Variants in RGS19 observed in about 807,000 individuals in gnomAD.
RGS19 encodes G alpha interacting protein.
In RGS19, 9 loss-of-function variants were observed where a neutral mutation model predicts 22.0. The observed-to-expected ratio is 0.41, with a 90% confidence interval of 0.25 to 0.71. The LOEUF is 0.71. Ranked by LOEUF, RGS19 falls within the 30% of genes least tolerant of loss-of-function variation. The pLI is 0.32. For synonymous variants in RGS19, 130 were observed against 127.3 expected, an observed-to-expected ratio of 1.02 and a Z score of -0.14; for missense variants, 256 against 307.1, an observed-to-expected ratio of 0.83 and a Z score of 1.24.
rs976958248 is a variant in RGS19, at chr20:64,073,418, G to A, written c.*435C>T. On this transcript the variant is annotated 3_prime_UTR_variant, in exon 6 of 6. Coordinates refer to ENST00000395042, the MANE Select transcript of RGS19 (RefSeq NM_005873.3). ...TCTGGGGTACAGACAGCTCAAGTAG[G>A]AGGTCTCCTTATGTCACAAAACTAC... The A allele has an allele frequency of 1.9e-5, 3 of 159,740 alleles. No individual in the cohort carries two copies. Among genetic ancestry groups the A allele is most frequent in the Admixed American group, 1.9e-4 (3 of 16,050 alleles). The allele number at this position is 159,740 out of a possible 1,614,324, so 9.9% of individuals were successfully genotyped here.
Position 64,074,519 on chromosome 20 carries a change from ACG to A in RGS19, c.173_174del (p.Ala58ValfsTer16). On this transcript the variant is annotated frameshift_variant, in exon 4 of 6. Transcript: ENST00000395042. LOFTEE classifies it high-confidence loss of function. ...AGCTTGCTCTCCCGGGAGGCCTGCC[ACG>A]CGCGCCGCCGCTCTTGGTTCCTAGT... The part of the protein sequence containing the change: ...SCSWNQERRR[A>X]WQASRESKLQ... 1 of 1,569,946 alleles carries A rather than the reference ACG, an allele frequency of 6.4e-7. No individual in the cohort carries two copies. The highest frequency in any genetic ancestry group is 8.6e-7 in the Non-Finnish European group (1 of 1,158,404).
Position 64,073,899 on chromosome 20 carries a change from C to A in RGS19, c.608G>T (p.Arg203Leu). The stretch of plus-strand genomic sequence containing the variant: ...TGATGGCCCCTGCAGCAGCAGGGCA[C>A]GGTAGGTGGGAGAGCTGAGGAAGCG... ...YPRFLSSPTY[R>L]ALLLQGPSQS... The change falls in exon 6 of 6, where the codon CGT (arginine) becomes CTT (leucine). Residue 203 changes from arginine to leucine, a missense_variant. Physicochemically the swap from Arg to Leu is moderately radical, Grantham distance 102 (BLOSUM62 -2). Coordinates refer to ENST00000395042, the MANE Select transcript of RGS19 (RefSeq NM_005873.3). 6.2e-7 allele frequency: 1 copy of A among 1,613,414 alleles called. No homozygotes were observed. The highest frequency in any genetic ancestry group is 8.5e-7 in the Non-Finnish European group (1 of 1,179,748).
At chr20:64,079,526 T>TGGGGGC (rs2059941278), upstream of RGS19, 1 of 128,862 alleles carries the variant, frequency 7.8e-6, no homozygotes, top group African/African-American at 2.9e-5. The surrounding 1 kb of genome is among the most constrained non-coding windows in gnomAD (Gnocchi z 5.1). Flanking sequence ...TCCAGCGGGG[T>TGGGGGC]GGGGGCGGGG....
At position 64,075,313 on chromosome 20, in the gene RGS19, C is replaced by T. The variant is rs1021768599; in HGVS notation, c.153-772G>A. On this transcript the variant is annotated intron_variant, in intron 3 of 5. Coordinates refer to ENST00000395042, the MANE Select transcript of RGS19 (RefSeq NM_005873.3). This position sits in a 1 kb window ranked among gnomAD's most constrained non-coding sequence, Gnocchi z 4.6. The stretch of plus-strand genomic sequence containing the variant: ...AGAGCCCCAAACCCGTGTCCACACT[C>T]CTTCAGGTTCTGGAGCCTGATCCCC... 5.9e-5 allele frequency among the ~76,000 whole-genome samples: 9 copies of T among 152,230 alleles called. No individual in the cohort carries two copies. Among genetic ancestry groups the T allele is most frequent in the African/African-American group, 2.2e-4 (9 of 41,456 alleles).
At chr20:64,074,071 G>C (rs1474420491) in intron 5 of RGS19, 27 bp from the exon 6 acceptor site, 9 of 1,604,428 alleles carry the variant, frequency 5.6e-6, no homozygotes, top group Non-Finnish European at 7.7e-6. Context: ...TGAGGTCAGG[G>C]GGTGCGGGAG....
rs1044170323 is a variant in RGS19, at chr20:64,075,757, CG to C, written c.152+767del. Among the ~76,000 whole-genome samples, 1 of 152,220 alleles carries C rather than the reference CG, an allele frequency of 6.6e-6. No individual in the cohort carries two copies. The highest frequency in any genetic ancestry group is 2.4e-5 in the African/African-American group (1 of 41,462). The stretch of plus-strand genomic sequence containing the variant: ...ACCGCCCCCTGCTCTTCTTCCCCCA[CG>C]CATGCTGTCCGGGAAGCTCTTGGCC... On this transcript the variant is annotated intron_variant, in intron 3 of 5. Coordinates refer to ENST00000395042, the MANE Select transcript of RGS19 (RefSeq NM_005873.3). This position sits in a 1 kb window ranked among gnomAD's most constrained non-coding sequence, Gnocchi z 4.6.
rs989109192 is a variant in RGS19 at position 64,079,286 on chromosome 20, C to T, written c.-69+8G>A. On this transcript the variant is annotated splice_region_variant and intron_variant, in intron 1 of 5. Transcript: ENST00000395042. This position sits in a 1 kb window ranked among gnomAD's most constrained non-coding sequence, Gnocchi z 5.1. ...GCCCCCACCCCTACCTCAAAGCTCC[C>T]TACTCACCAGCGACCCAAAGGCGGG... The T allele has an allele frequency of 6.6e-6, 1 of 152,306 alleles. No individual in the cohort carries two copies. Among genetic ancestry groups the T allele is most frequent in the African/African-American group, 2.4e-5 (1 of 41,450 alleles). The allele number at this position is 152,306 out of a possible 1,614,324, so 9.4% of individuals were successfully genotyped here.
chr20:64,078,777 T>C (rs1362012035), intron 1 of RGS19, among the ~76,000 whole-genome samples: 3 of 151,930 alleles, frequency 2.0e-5, no homozygotes, highest in African/African-American at 4.8e-5. Flanking sequence ...TCAACTAGGG[T>C]CCTCCTGCTT....
intron 3 of RGS19, 91 bp from the exon 4 acceptor site, chr20:64,074,632 A>C: frequency 8.1e-7 from 1 of 1,228,696 alleles, no homozygotes; most frequent in Non-Finnish European, 1.1e-6. Flanking sequence ...CCTGACACAC[A>C]TGGGCACCCA....
intron 3 of RGS19, 114 bp from the exon 4 acceptor site, chr20:64,074,655 A>C: frequency 1.0e-6 from 1 of 979,488 alleles, no homozygotes; most frequent in Non-Finnish European, 1.5e-6. Flanking sequence ...GCAGGAGGGC[A>C]GCCCCTGCAG....
At chr20:64,078,600 G>T (rs2059930061) in intron 1 of RGS19, among the ~76,000 whole-genome samples, 1 of 152,214 alleles carries the variant, frequency 6.6e-6, no homozygotes, top group Non-Finnish European at 1.5e-5. Context: ...GGTGCTAGGG[G>T]CTGCATTTGC....
chr20:64,079,143 C>T lies in RGS19; in HGVS notation c.-69+151G>A, dbSNP rs2059936623. On this transcript the variant is annotated intron_variant, in intron 1 of 5. Coordinates refer to ENST00000395042, the MANE Select transcript of RGS19 (RefSeq NM_005873.3). This position sits in a 1 kb window ranked among gnomAD's most constrained non-coding sequence, Gnocchi z 5.1. ...CTGGCCCCTCCAGGGAAGGCCAGCT[C>T]TCCCCACCTCTGAAATGGTGGTGGT... 6.6e-6 allele frequency among the ~76,000 whole-genome samples: 1 copy of T among 152,058 alleles called. No homozygotes were observed. Among genetic ancestry groups the T allele is most frequent in the East Asian group, 1.9e-4 (1 of 5,148 alleles).
In RGS19 at chr20:64,075,330, C is replaced by T. The variant is rs6011282; in HGVS notation, c.153-789G>A. On this transcript the variant is annotated intron_variant, in intron 3 of 5. Transcript: ENST00000395042. This position sits in a 1 kb window ranked among gnomAD's most constrained non-coding sequence, Gnocchi z 4.6. Reference sequence around the variant, plus strand: ...TCCACACTCCTTCAGGTTCTGGAGCCTGATCCCCGGTTGTCTCAAGGGAAG... The same window carrying T: ...TCCACACTCCTTCAGGTTCTGGAGCTTGATCCCCGGTTGTCTCAAGGGAAG... 6.6e-6 allele frequency among the ~76,000 whole-genome samples: 1 copy of T among 152,228 alleles called. No individual in the cohort carries two copies. Among genetic ancestry groups the T allele is most frequent in the Admixed American group, 6.5e-5 (1 of 15,290 alleles).
intron 1 of RGS19, among the ~76,000 whole-genome samples, chr20:64,077,878 A>AG (rs1303346282): frequency 1.3e-5 from 2 of 152,108 alleles, no homozygotes; most frequent in Non-Finnish European, 1.5e-5. Flanking sequence ...GCGATGGTAC[A>AG]GGGGGGCCAA....
Position 64,076,557 on chromosome 20 carries a change from G to A in RGS19, c.120C>T (p.Cys40=), listed in dbSNP as rs982562691. Residue 40 remains cysteine, a synonymous_variant, in exon 3 of 6, where the codon TGC becomes TGT. Coordinates refer to ENST00000395042, the MANE Select transcript of RGS19 (RefSeq NM_005873.3). The part of the protein sequence containing the change: ...SPAAPSRNPC[C]LCWCCCCSCS... Reference sequence around the variant, plus strand: ...AGCTACAGCAGCAGCACCAGCACAGGCAGCAGGGGTTGCGGCTGGGGGCCG... The same window carrying A: ...AGCTACAGCAGCAGCACCAGCACAGACAGCAGGGGTTGCGGCTGGGGGCCG... 8.7e-6 allele frequency: 14 copies of A among 1,612,872 alleles called. No homozygotes were observed. Among genetic ancestry groups the A allele is most frequent in the Non-Finnish European group, 1.2e-5 (14 of 1,179,890 alleles).
Position 64,075,084 on chromosome 20 carries a change from GA to G in RGS19, c.153-544del, listed in dbSNP as rs1189978767. Among the ~76,000 whole-genome samples, 6 of 125,788 alleles carry G rather than the reference GA, an allele frequency of 4.8e-5. No homozygotes were observed. Among genetic ancestry groups the G allele is most frequent in the African/African-American group, 1.7e-4 (6 of 34,732 alleles). 82.5% of individuals were successfully genotyped at this position (125,788 alleles called of 152,430 possible). A position where few individuals can be genotyped will look rare whatever the true frequency, so the allele number is the denominator to read the frequency against. ...GAGGCCAGAAGGGTCATGTGCCTGG[GA>G]ACAGGGCCACCCATGGGAATGTGCC... is the stretch of plus-strand genomic sequence containing the variant. On this transcript the variant is annotated intron_variant, in intron 3 of 5. Coordinates refer to ENST00000395042, the MANE Select transcript of RGS19 (RefSeq NM_005873.3). The surrounding 1 kb of genome is among the most constrained non-coding windows in gnomAD (Gnocchi z 4.6).
intron 3 of RGS19, among the ~76,000 whole-genome samples, chr20:64,076,260 C>T (rs563904144): frequency 8.5e-5 from 13 of 152,352 alleles, no homozygotes; most frequent in East Asian, 7.7e-4. Flanking sequence ...GCACATGCCG[C>T]GTGAACGGGC....
rs964757515 is a variant in RGS19, at chr20:64,075,299, C to T, written c.153-758G>A. On this transcript the variant is annotated intron_variant, in intron 3 of 5. Coordinates refer to ENST00000395042, the MANE Select transcript of RGS19 (RefSeq NM_005873.3). This position sits in a 1 kb window ranked among gnomAD's most constrained non-coding sequence, Gnocchi z 4.6. ...GGCTGACGCAGGTGAGAGCCCCAAACCCGTGTCCACACTCCTTCAGGTTCT... is the reference window on the plus strand; with the variant it reads ...GGCTGACGCAGGTGAGAGCCCCAAATCCGTGTCCACACTCCTTCAGGTTCT... 5.9e-5 allele frequency among the ~76,000 whole-genome samples: 9 copies of T among 152,224 alleles called. No homozygotes were observed. Among genetic ancestry groups the T allele is most frequent in the Non-Finnish European group, 7.3e-5 (5 of 68,034 alleles).
In RGS19 at chr20:64,073,852, C is replaced by T. The variant is rs1415744973; in HGVS notation, c.*1G>A. The T allele has an allele frequency of 6.2e-7, 1 of 1,606,044 alleles. No individual in the cohort carries two copies. Among genetic ancestry groups the T allele is most frequent in the Admixed American group, 1.7e-5 (1 of 59,784 alleles). On this transcript the variant is annotated 3_prime_UTR_variant, in exon 6 of 6. Coordinates refer to ENST00000395042, the MANE Select transcript of RGS19 (RefSeq NM_005873.3). ...GCGGGGTCTGTGCTGCTGGGGGCGG[C>T]CTAGGCCTCGGAGGAGGACTGTGAT...
Sources: gnomAD v4.1 joint callset for allele counts (sites outside exome capture counted in the v4.1 genomes callset) on GRCh38, gnomAD v4.1.1 for gene constraint, Gnocchi (gnomAD v3.1) non-coding constraint, MANE v1.5 for transcripts, NCBI Gene and HGNC (gene_info 2026-07-23, HGNC 2026-07-21) for gene names.